WDPCP: variants seen among roughly 807,000 people sequenced by gnomAD.
WDPCP encodes WD repeat-containing and planar cell polarity effector protein fritz homolog.
A neutral mutation model predicts 93.1 loss-of-function variants in WDPCP; 71 were observed. The observed-to-expected ratio is 0.76, with a 90% CI of 0.63 to 0.93. The LOEUF (loss-of-function observed/expected upper bound fraction) is 0.93, where lower values mean the gene tolerates loss of function less well. WDPCP is among the 40% of genes least tolerant of loss of function. WDPCP has a pLI of 0.00. For missense variants in WDPCP, 844 were observed against 887.4 expected, an observed-to-expected ratio of 0.95 and a Z score of 0.62; for synonymous variants, 315 against 315.0, an observed-to-expected ratio of 1.00 and a Z score of 0.00.
At chr2:63,548,546 A>C (rs1705324747) in intron 1 of WDPCP, among the ~76,000 whole-genome samples, 1 of 152,222 alleles carries the variant, frequency 6.6e-6, no homozygotes, top group Admixed American at 6.5e-5. Flanking sequence ...CTACACTCAA[A>C]AGCTAAAGAA....
At chr2:63,275,290 C>T (rs2104890084) in intron 13 of WDPCP, among the ~76,000 whole-genome samples, 1 of 152,210 alleles carries the variant, frequency 6.6e-6, no homozygotes, top group African/African-American at 2.4e-5. Context: ...GAACCTACCT[C>T]AATATAATAA....
intron 10 of WDPCP, among the ~76,000 whole-genome samples, chr2:63,382,353 C>T (rs1483201764): frequency 1.3e-5 from 2 of 151,932 alleles, no homozygotes; most frequent in Non-Finnish European, 2.9e-5. Flanking sequence ...TGGGGGGTGG[C>T]ATTCTGTTCT....
chr2:63,456,736 G>A (rs1698646779), intron 6 of WDPCP, among the ~76,000 whole-genome samples: 1 of 151,990 alleles, frequency 6.6e-6, no homozygotes, highest in Non-Finnish European at 1.5e-5. Context: ...GGTTCTTCAG[G>A]CCAGGCACGG....
chr2:63,768,855 C>T (rs1005795064), intron 2 of WDPCP, among the ~76,000 whole-genome samples: 25 of 151,916 alleles, frequency 1.6e-4, no homozygotes, highest in African/African-American at 5.3e-4. Flanking sequence ...ATTATCTTAG[C>T]CCAAGGAGGT....
chr2:63,209,060 C>T (rs1676554801), intron 14 of WDPCP, among the ~76,000 whole-genome samples: 1 of 152,186 alleles, frequency 6.6e-6, no homozygotes, highest in South Asian at 2.1e-4. Flanking sequence ...TTGCTTTCTA[C>T]TCTCCCCATA....
intron 1 of WDPCP, among the ~76,000 whole-genome samples, chr2:63,554,452 G>A (rs1705918788): frequency 6.6e-6 from 1 of 152,006 alleles, no homozygotes; most frequent in African/African-American, 2.4e-5. Flanking sequence ...AGGAGTTCGA[G>A]ACCAGCCTGG....
At chr2:63,597,505 GA>G in intron 3 of WDPCP, 1 of 1,517,242 alleles carries the variant, frequency 6.6e-7, no homozygotes, top group South Asian at 1.3e-5. Flanking sequence ...AAGATTTACT[GA>G]AAGCAAATGT....
At chr2:63,573,944 C>A (rs1040807557) in intron 1 of WDPCP, among the ~76,000 whole-genome samples, 1 of 152,250 alleles carries the variant, frequency 6.6e-6, no homozygotes, top group South Asian at 2.1e-4. Context: ...CGTAGCACTC[C>A]CAGGCTTATT....
chr2:63,259,778 AT>A (rs1185747370), intron 13 of WDPCP, among the ~76,000 whole-genome samples: 3 of 152,178 alleles, frequency 2.0e-5, no homozygotes, highest in Admixed American at 6.5e-5. Flanking sequence ...GCTAAGCACG[AT>A]ACAAGGGATA....
At chr2:63,141,312 C>T (rs531911979) in intron 17 of WDPCP, among the ~76,000 whole-genome samples, 26 of 152,222 alleles carry the variant, frequency 1.7e-4, no homozygotes, top group Non-Finnish European at 2.9e-4. Flanking sequence ...CTCCTGACCT[C>T]GTGATCCACC....
upstream of WDPCP, among the ~76,000 whole-genome samples, chr2:63,592,150 T>G (rs1312025485): frequency 6.6e-6 from 1 of 152,200 alleles, no homozygotes. Context: ...TAGTACCAAG[T>G]ACATGATAGG....
intron 14 of WDPCP, chr2:63,229,467 G>A (rs1057377434): frequency 1.3e-5 from 2 of 151,748 alleles, no homozygotes; most frequent in Non-Finnish European, 3.0e-5. Context: ...TTTGGCTTTT[G>A]TTGCCATTGC....
intron 13 of WDPCP, among the ~76,000 whole-genome samples, chr2:63,267,560 G>A (rs945003630): frequency 5.9e-5 from 9 of 152,108 alleles, no homozygotes; most frequent in African/African-American, 2.2e-4. Flanking sequence ...CATGTATTGG[G>A]AGAAAATATT....
chr2:63,597,330 C>G, intron 3 of WDPCP: 2 of 1,306,816 alleles, frequency 1.5e-6, no homozygotes, highest in Non-Finnish European at 2.0e-6. Flanking sequence ...TGGGTAGATT[C>G]AATATGAAAA....
intron 3 of WDPCP, among the ~76,000 whole-genome samples, chr2:63,648,491 G>A (rs933864355): frequency 6.6e-6 from 1 of 152,044 alleles, no homozygotes; most frequent in Non-Finnish European, 1.5e-5. Context: ...CACAATCAAG[G>A]TATTTACATC....
At chr2:63,380,256 A>G (rs773726529) in intron 11 of WDPCP, among the ~76,000 whole-genome samples, 13 of 151,904 alleles carry the variant, frequency 8.6e-5, no homozygotes, top group Non-Finnish European at 1.6e-4. Context: ...TTTTAAGTAT[A>G]CACTCAGTCA....
intron 6 of WDPCP, among the ~76,000 whole-genome samples, chr2:63,449,494 G>T (rs1470751955): frequency 6.9e-6 from 1 of 144,968 alleles, no homozygotes; most frequent in Non-Finnish European, 1.5e-5. Flanking sequence ...GGTACAGAAG[G>T]AAAAGAAAGC....
At chr2:63,442,796 T>C (rs1425729432) in intron 6 of WDPCP, 1 of 152,178 alleles carries the variant, frequency 6.6e-6, no homozygotes, top group Non-Finnish European at 1.5e-5. Context: ...ATGAAATAAA[T>C]CTCATATCCT....
At chr2:63,743,334 A>T (rs1044332327) in intron 2 of WDPCP, among the ~76,000 whole-genome samples, 1 of 152,108 alleles carries the variant, frequency 6.6e-6, no homozygotes, top group East Asian at 1.9e-4. Flanking sequence ...AGTCACACTT[A>T]ACACTAAATG....
Sources: allele counts gnomAD v4.1 joint callset (sites outside exome capture counted in the v4.1 genomes callset), GRCh38; gene constraint gnomAD v4.1.1; transcripts MANE v1.5; gene names NCBI Gene and HGNC (gene_info 2026-07-23, HGNC 2026-07-21).